The following SLC24A2 variants were observed in gnomAD, a reference collection of about 807,000 sequenced individuals.
SLC24A2 encodes sodium/potassium/calcium exchanger 2.
Under a neutral mutation model 62.0 loss-of-function variants are expected in SLC24A2, and 36 were observed. The ratio of observed to expected loss-of-function variants is 0.58; its 90% confidence interval spans 0.44 to 0.77. SLC24A2 has a LOEUF of 0.77. Among genes scored for constraint, SLC24A2 ranks in the 30% least tolerant of loss-of-function variants. The pLI is 0.00. For missense variants in SLC24A2, 846 were observed against 817.9 expected (o/e 1.03, Z -0.42); for synonymous variants, 358 against 294.0 (o/e 1.22, Z -2.23).
chr9:19,864,001 T>C, the SLC24A2 span, among the ~76,000 whole-genome samples: 1 of 151,740 alleles, frequency 6.6e-6, no homozygotes, highest in African/African-American at 2.4e-5. Context: ...GAAAAAGACA[T>C]TAAAACTGAT....
chr9:20,004,963 T>C, the SLC24A2 span, among the ~76,000 whole-genome samples: 2 of 152,152 alleles, frequency 1.3e-5, no homozygotes, highest in African/African-American at 4.8e-5. Context: ...TGATACTAAA[T>C]AAGAGATTTT....
the SLC24A2 span, among the ~76,000 whole-genome samples, chr9:20,113,154 G>C: frequency 6.6e-6 from 1 of 151,990 alleles, no homozygotes; most frequent in Non-Finnish European, 1.5e-5. Flanking sequence ...AGTCATCTGG[G>C]GCTCTCCCCC....
chr9:20,043,548 A>G, the SLC24A2 span, among the ~76,000 whole-genome samples: 2 of 152,200 alleles, frequency 1.3e-5, no homozygotes, highest in Non-Finnish European at 2.9e-5. Context: ...CATCAACATT[A>G]ATGGGAGTTT....
At chr9:20,001,773 G>C in the SLC24A2 span, among the ~76,000 whole-genome samples, 35 of 152,196 alleles carry the variant, frequency 2.3e-4, no homozygotes, top group Middle Eastern at 6.8e-3. Context: ...TCTGGTTAAA[G>C]GTTGCCTCTC....
chr9:19,893,080 A>G, the SLC24A2 span, among the ~76,000 whole-genome samples: 1 of 152,184 alleles, frequency 6.6e-6, no homozygotes, highest in South Asian at 2.1e-4. Flanking sequence ...CGTCTTTAAT[A>G]ATGTTCCCAT....
intron 2 of SLC24A2, among the ~76,000 whole-genome samples, chr9:19,684,949 C>T (rs1356149337): frequency 1.3e-5 from 2 of 152,066 alleles, no homozygotes; most frequent in African/African-American, 4.8e-5. Flanking sequence ...ACCTGGAAAA[C>T]AACACCCTCT....
the SLC24A2 span, among the ~76,000 whole-genome samples, chr9:19,819,997 A>ATG: frequency 7.4e-6 from 1 of 135,994 alleles, no homozygotes; most frequent in African/African-American, 2.9e-5. Flanking sequence ...ACTGCAGTAT[A>ATG]TATATATATG....
the SLC24A2 span, among the ~76,000 whole-genome samples, chr9:19,998,441 A>ACATT: frequency 2.0e-5 from 3 of 152,318 alleles, no homozygotes; most frequent in East Asian, 5.8e-4. Flanking sequence ...TGCCAGAGCC[A>ACATT]CATTCATTCA....
chr9:20,215,477 G>GA, the SLC24A2 span, among the ~76,000 whole-genome samples: 5 of 151,144 alleles, frequency 3.3e-5, no homozygotes, highest in East Asian at 1.9e-4. Flanking sequence ...ATTTTTAATA[G>GA]AAAAAAAAAG....
In SLC24A2 at chr9:19,515,864, G is replaced by A. The variant is rs200704736; in HGVS notation, c.*289C>T. On this transcript the variant is annotated 3_prime_UTR_variant, in exon 11 of 11. Transcript: ENST00000341998. ...TATAGCCTGTGTCCTTGTTTGCATC[G>A]ACTGTACCTCCGACCAGCGAGGTGT... The A allele has an allele frequency of 4.4e-5, 19 of 429,728 alleles. No homozygotes were observed. The East Asian group carries it at 4.5e-4, about 10-fold the overall frequency. The allele number at this position is 429,728 out of a possible 1,614,324, so 26.6% of individuals were successfully genotyped here.
In SLC24A2 at chr9:19,510,278, C is replaced by T. The variant is rs186422373; in HGVS notation, c.*5875G>A. ...GAACAATATAAAGAACTTAAAAAGG[C>T]TTAGTAGAGAGGAACTATAAAAATT... On this transcript the variant is annotated 3_prime_UTR_variant, in exon 11 of 11. Coordinates refer to ENST00000341998, the MANE Select transcript of SLC24A2 (RefSeq NM_020344.4). The T allele has an allele frequency of 1.3e-5, 2 of 151,760 alleles. No individual in the cohort carries two copies. Among genetic ancestry groups the T allele is most frequent in the Non-Finnish European group, 2.9e-5 (2 of 67,950 alleles). The allele number at this position is 151,760 out of a possible 1,614,324, so 9.4% of individuals were successfully genotyped here.
intron 8 of SLC24A2, among the ~76,000 whole-genome samples, chr9:19,547,176 A>G (rs1289912851): frequency 6.6e-6 from 1 of 152,194 alleles, no homozygotes; most frequent in Non-Finnish European, 1.5e-5. Context: ...GAAGTTGAAA[A>G]AAACCAAAGT....
chr9:19,836,857 A>G, the SLC24A2 span, among the ~76,000 whole-genome samples: 3 of 152,206 alleles, frequency 2.0e-5, no homozygotes, highest in Non-Finnish European at 4.4e-5. Context: ...GAATCCAGCA[A>G]CACATCAAAA....
At chr9:19,826,996 T>C in the SLC24A2 span, among the ~76,000 whole-genome samples, 2 of 152,280 alleles carry the variant, frequency 1.3e-5, no homozygotes, top group Admixed American at 6.5e-5. Context: ...TCTTGATATA[T>C]AGAGACATTT....
the SLC24A2 span, among the ~76,000 whole-genome samples, chr9:20,186,214 C>T: frequency 6.6e-6 from 1 of 152,112 alleles, no homozygotes; most frequent in African/African-American, 2.4e-5. Context: ...ATTTGATGTC[C>T]ACCTTGTTTC....
intron 7 of SLC24A2, among the ~76,000 whole-genome samples, chr9:19,567,660 A>G (rs546801293): frequency 2.1e-4 from 32 of 150,962 alleles, no homozygotes; most frequent in African/African-American, 7.3e-4. Context: ...AAACCATACT[A>G]AGTAAATGCT....
intron 8 of SLC24A2, among the ~76,000 whole-genome samples, chr9:19,545,194 A>C (rs927146000): frequency 4.6e-5 from 7 of 151,572 alleles, no homozygotes; most frequent in Non-Finnish European, 1.0e-4. Flanking sequence ...ACTTTCTGAT[A>C]TCCTTTCTTC....
the SLC24A2 span, among the ~76,000 whole-genome samples, chr9:19,815,510 CT>C: frequency 7.9e-5 from 12 of 152,160 alleles, no homozygotes; most frequent in African/African-American, 2.6e-4. Flanking sequence ...TGCTCATATC[CT>C]TTTTTTCCTT....
the SLC24A2 span, among the ~76,000 whole-genome samples, chr9:20,116,403 T>A: frequency 2.6e-5 from 4 of 152,192 alleles, no homozygotes; most frequent in Admixed American, 6.6e-5. Flanking sequence ...CTGGGCATTC[T>A]GATAGAGGGT....
Sources: gnomAD v4.1 joint callset for allele counts (sites outside exome capture counted in the v4.1 genomes callset) on GRCh38, gnomAD v4.1.1 for gene constraint, MANE v1.5 for transcripts, NCBI Gene and HGNC (gene_info 2026-07-23, HGNC 2026-07-21) for gene names.